Variants in CD2AP observed in about 807,000 individuals in gnomAD.
CD2AP encodes the protein CD2 associated protein.
CD2AP carries 46 observed loss-of-function variants against 85.1 expected under a neutral mutation model. The observed-to-expected ratio is 0.54, with a 90% CI of 0.43 to 0.69. CD2AP has a LOEUF of 0.69. Among genes scored for constraint, CD2AP ranks in the 30% least tolerant of loss-of-function variants. The pLI is 0.00. For missense variants in CD2AP, 769 were observed against 729.5 expected (o/e 1.05, Z -0.62); for synonymous variants, 255 against 252.9 (o/e 1.01, Z -0.08).
intron 5 of CD2AP, among the ~76,000 whole-genome samples, chr6:47,566,589 G>A (rs951183373): frequency 1.3e-5 from 2 of 151,740 alleles, no homozygotes; most frequent in East Asian, 1.9e-4. Flanking sequence ...TGCACCTATC[G>A]ACCCATCCTC....
chr6:47,488,627 A>G (rs753186776), intron 1 of CD2AP, among the ~76,000 whole-genome samples: 3 of 151,766 alleles, frequency 2.0e-5, no homozygotes, highest in African/African-American at 7.3e-5. Context: ...CAAGTGCTCA[A>G]TATTTTTTGA....
chr6:47,594,838 G>C (rs1768895884), intron 11 of CD2AP, among the ~76,000 whole-genome samples: 1 of 152,022 alleles, frequency 6.6e-6, no homozygotes, highest in Non-Finnish European at 1.5e-5. Flanking sequence ...TGTGAAATAA[G>C]ACTTGTAATT....
Position 47,493,451 on chromosome 6 carries a change from T to G in CD2AP, c.5-9829T>G, listed in dbSNP as rs539322704. Among the ~76,000 whole-genome samples, 4 of 152,074 alleles carry G rather than the reference T, an allele frequency of 2.6e-5. No homozygotes were observed. In the South Asian group the frequency reaches 8.3e-4, roughly 32 times the overall value. On this transcript the variant is annotated intron_variant, in intron 1 of 17. Coordinates refer to ENST00000359314, the MANE Select transcript of CD2AP (RefSeq NM_012120.3). The stretch of plus-strand genomic sequence containing the variant: ...CTGCTGTAATTCTTATCCTTGTTCC[T>G]CAATAGGTAGGGTGATATTTTGTGA...
intron 2 of CD2AP, among the ~76,000 whole-genome samples, chr6:47,507,091 T>G (rs1766192674): frequency 6.6e-6 from 1 of 152,128 alleles, no homozygotes; most frequent in South Asian, 2.1e-4. Context: ...TCACCAGGAG[T>G]AGATTCCAGC....
intron 17 of CD2AP, among the ~76,000 whole-genome samples, chr6:47,619,845 T>G (rs900352799): frequency 1.1e-4 from 17 of 152,248 alleles, no homozygotes; most frequent in African/African-American, 4.1e-4. Context: ...TCTTCATATG[T>G]CTGTTGGCCA....
Position 47,582,442 on chromosome 6 carries a change from C to T in CD2AP, c.1108+377C>T, listed in dbSNP as rs572871993. Among the ~76,000 whole-genome samples, 7 of 152,254 alleles carry T rather than the reference C, an allele frequency of 4.6e-5. No homozygotes were observed. The South Asian group carries it at 1.5e-3, about 32-fold the overall frequency. On this transcript the variant is annotated intron_variant, in intron 11 of 17. Coordinates refer to ENST00000359314, the MANE Select transcript of CD2AP (RefSeq NM_012120.3). ...AATAATTAATTACATATTATTTAAT[C>T]TCACTGCATGTGTTTGTCATAATGT...
At chr6:47,540,660 A>G (rs976348822) in intron 3 of CD2AP, among the ~76,000 whole-genome samples, 1 of 152,216 alleles carries the variant, frequency 6.6e-6, no homozygotes, top group African/African-American at 2.4e-5. Context: ...TGGGTAAAAT[A>G]TAACTAGGCT....
At chr6:47,544,222 G>A (rs1435130515) in intron 3 of CD2AP, among the ~76,000 whole-genome samples, 1 of 152,184 alleles carries the variant, frequency 6.6e-6, no homozygotes, top group African/African-American at 2.4e-5. Flanking sequence ...ATTTTAAGTA[G>A]TATTCCCAGA....
intron 8 of CD2AP, among the ~76,000 whole-genome samples, chr6:47,578,214 A>C (rs1164199605): frequency 1.3e-5 from 2 of 151,998 alleles, no homozygotes; most frequent in Non-Finnish European, 1.5e-5. Flanking sequence ...GAAAAAGAAA[A>C]ATTAAAGACA....
In CD2AP at chr6:47,562,689, A is replaced by G. The variant is rs1195607659; in HGVS notation, c.541+7923A>G. 8 of 652,168 alleles carry G rather than the reference A, an allele frequency of 1.2e-5. No homozygotes were observed. In the East Asian group the frequency reaches 1.8e-4, roughly 15 times the overall value. The allele number at this position is 652,168 out of a possible 1,614,324, so 40.4% of individuals were successfully genotyped here. On this transcript the variant is annotated intron_variant, in intron 5 of 17. Transcript: ENST00000359314. The stretch of plus-strand genomic sequence containing the variant: ...GCCACTGCTTTATGGGAGGTTCAGA[A>G]GACCACCCTCATCCACAGTAGCCTA...
intron 2 of CD2AP, among the ~76,000 whole-genome samples, chr6:47,509,888 G>A (rs1766269781): frequency 6.6e-6 from 1 of 151,966 alleles, no homozygotes; most frequent in African/African-American, 2.4e-5. Flanking sequence ...ATAGAACACC[G>A]ATTTCAAAAA....
At chr6:47,514,003 A>G (rs955581954) in intron 2 of CD2AP, among the ~76,000 whole-genome samples, 5 of 152,030 alleles carry the variant, frequency 3.3e-5, no homozygotes, top group African/African-American at 9.7e-5. Context: ...CCTTGTGTAC[A>G]GCTTGTTCAG....
At chr6:47,586,385 A>T (rs952983672) in intron 11 of CD2AP, among the ~76,000 whole-genome samples, 2 of 152,214 alleles carry the variant, frequency 1.3e-5, no homozygotes, top group Non-Finnish European at 2.9e-5. Context: ...AAAAGTGAAC[A>T]GAATATTGGT....
intron 5 of CD2AP, among the ~76,000 whole-genome samples, chr6:47,570,141 CT>C (rs5876027): frequency 0.25 from 36,703 of 146,706 alleles, 4,539 homozygotes; most frequent in Non-Finnish European, 0.28. Flanking sequence ...CATCAGATTT[CT>C]TTTTTTTTTT....
rs527821829 is a variant in CD2AP at position 47,483,251 on chromosome 6, AGTTTAAGAAATCTGGATGGAG to A, written c.4+5006_4+5026del. ...TAGATGGGGGAGGCGACAGAACAGT[AGTTTAAGAAATCTGGATGGAG>A]GTCTATATGTGCCTACAGTCAGCTT... On this transcript the variant is annotated intron_variant, in intron 1 of 17. Transcript: ENST00000359314. Among the ~76,000 whole-genome samples the A allele has an allele frequency of 1.3e-4, 20 of 152,320 alleles. No individual in the cohort carries two copies. In the East Asian group the frequency reaches 3.1e-3, roughly 23 times the overall value.
At chr6:47,524,206 T>C (rs1766666326) in intron 2 of CD2AP, among the ~76,000 whole-genome samples, 1 of 152,188 alleles carries the variant, frequency 6.6e-6, no homozygotes, top group African/African-American at 2.4e-5. Flanking sequence ...TATTTCAGAT[T>C]GGTCACTACT....
chr6:47,568,400 G>A (rs1378740667), intron 5 of CD2AP, among the ~76,000 whole-genome samples: 7 of 152,034 alleles, frequency 4.6e-5, no homozygotes, highest in Non-Finnish European at 7.4e-5. Flanking sequence ...AGAAAAATTC[G>A]GATGTCTGTG....
chr6:47,554,594 G>C, intron 4 of CD2AP, 52 bp from the exon 5 acceptor site: 1 of 1,608,080 alleles, frequency 6.2e-7, no homozygotes, highest in Non-Finnish European at 8.5e-7. Flanking sequence ...ATAGGGTGAC[G>C]ATTTTCACTT....
intron 17 of CD2AP, among the ~76,000 whole-genome samples, chr6:47,618,948 T>G (rs1769671271): frequency 6.6e-6 from 1 of 152,202 alleles, no homozygotes; most frequent in South Asian, 2.1e-4. Context: ...AGAAAGATGT[T>G]TCTCCAAAGA....
Sources: gnomAD v4.1 joint callset for allele counts (sites outside exome capture counted in the v4.1 genomes callset) on GRCh38, gnomAD v4.1.1 for gene constraint, MANE v1.5 for transcripts, NCBI Gene and HGNC (gene_info 2026-07-23, HGNC 2026-07-21) for gene names.